BCAS4: variants seen among roughly 807,000 people sequenced by gnomAD.
The protein encoded by BCAS4 is breast carcinoma amplified sequence 4, also known as breast carcinoma-amplified sequence 4.
Under a neutral mutation model 15.7 loss-of-function variants are expected in BCAS4, and 9 were observed. That is an observed-to-expected ratio of 0.57 (90% CI 0.34 to 1.00). BCAS4 has a LOEUF of 1.00. BCAS4 is among the 50% of genes least tolerant of loss of function. The pLI is 0.02. For synonymous variants in BCAS4, 101 were observed against 99.5 expected, an observed-to-expected ratio of 1.02 and a Z score of -0.09; for missense variants, 225 against 239.1, an observed-to-expected ratio of 0.94 and a Z score of 0.39.
intron 2 of BCAS4, among the ~76,000 whole-genome samples, chr20:50,822,219 T>G (rs2088224880): frequency 6.6e-6 from 1 of 152,170 alleles, no homozygotes; most frequent in Non-Finnish European, 1.5e-5. Flanking sequence ...CATGGCTGTT[T>G]GACCTCCCCA....
intron 1 of BCAS4, among the ~76,000 whole-genome samples, chr20:50,804,534 A>C (rs1478314878): frequency 6.6e-6 from 1 of 152,242 alleles, no homozygotes; most frequent in Non-Finnish European, 1.5e-5. Flanking sequence ...ATATCTCTGC[A>C]CATACATCAT....
At chr20:50,846,249 A>G (rs1354318829) in intron 4 of BCAS4, among the ~76,000 whole-genome samples, 2 of 152,214 alleles carry the variant, frequency 1.3e-5, no homozygotes, top group African/African-American at 2.4e-5. Flanking sequence ...TGAGGTTTTA[A>G]TAAGAATTGC....
intron 4 of BCAS4, among the ~76,000 whole-genome samples, chr20:50,868,320 C>T (rs922911611): frequency 6.6e-6 from 1 of 152,238 alleles, no homozygotes; most frequent in South Asian, 2.1e-4. Context: ...GGGGCAGATG[C>T]AGACAAACAA....
rs942804335 is a variant in BCAS4, at chr20:50,830,512, G to C, written c.264+132G>C. On this transcript the variant is annotated intron_variant, in intron 3 of 4. Transcript: ENST00000371608. ...TGCAGGGGGTTGGTGGTGGGAGTTG[G>C]GGAGTCTGCACTCAAGTGATATTTC... The C allele has an allele frequency of 1.9e-5, 13 of 682,642 alleles. No individual in the cohort carries two copies. In the African/African-American group the frequency reaches 2.4e-4, roughly 13 times the overall value. 42.3% of individuals were successfully genotyped at this position (682,642 alleles called of 1,614,324 possible).
intron 4 of BCAS4, among the ~76,000 whole-genome samples, chr20:50,861,277 G>C (rs1397016787): frequency 6.6e-6 from 1 of 152,194 alleles, no homozygotes; most frequent in Non-Finnish European, 1.5e-5. Flanking sequence ...GTGAGGGGCT[G>C]ACCAGCTGCA....
chr20:50,875,322 G>A (rs189583190), intron 4 of BCAS4, among the ~76,000 whole-genome samples: 10 of 152,342 alleles, frequency 6.6e-5, no homozygotes, highest in Middle Eastern at 3.4e-3. Flanking sequence ...TGAGCGGCTC[G>A]ATGGGAAATC....
chr20:50,862,487 G>A (rs560527113), intron 4 of BCAS4, among the ~76,000 whole-genome samples: 1 of 152,148 alleles, frequency 6.6e-6, no homozygotes, highest in East Asian at 1.9e-4. Context: ...GAGAGGGGTC[G>A]CAGGTGCATG....
intron 1 of BCAS4, among the ~76,000 whole-genome samples, chr20:50,797,796 G>T (rs539740674): frequency 6.6e-6 from 1 of 152,132 alleles, no homozygotes; most frequent in East Asian, 2.0e-4. Context: ...CTCCCGAGTA[G>T]CTGGGATTAC....
intron 4 of BCAS4, among the ~76,000 whole-genome samples, chr20:50,848,061 A>G (rs6013027): frequency 0.03 from 4,494 of 152,096 alleles, 200 homozygotes; most frequent in African/African-American, 0.1. Context: ...CAACAACAAA[A>G]AAAAACAGAA....
At chr20:50,830,801 G>C (rs1443085954) in intron 3 of BCAS4, among the ~76,000 whole-genome samples, 1 of 152,140 alleles carries the variant, frequency 6.6e-6, no homozygotes, top group Admixed American at 6.6e-5. Flanking sequence ...TGTGAGCATT[G>C]ATTGTGCCAC....
intron 4 of BCAS4, among the ~76,000 whole-genome samples, chr20:50,861,775 G>T (rs1270622674): frequency 1.3e-5 from 2 of 151,456 alleles, no homozygotes; most frequent in Non-Finnish European, 2.9e-5. Flanking sequence ...TTTGCATCAG[G>T]GCCACTAGGC....
At chr20:50,852,386 GTTTTCTT>G (rs1215348132) in intron 4 of BCAS4, among the ~76,000 whole-genome samples, 1 of 151,792 alleles carries the variant, frequency 6.6e-6, no homozygotes, top group Non-Finnish European at 1.5e-5. Context: ...GTGTGTGTGT[GTTTTCTT>G]TTTTCTTTTT....
chr20:50,862,807 G>A (rs1406931014), intron 4 of BCAS4, among the ~76,000 whole-genome samples: 2 of 152,126 alleles, frequency 1.3e-5, no homozygotes, highest in African/African-American at 4.8e-5. Flanking sequence ...CTGGTTCCAG[G>A]CTGCCTCTCG....
At chr20:50,823,171 C>T (rs2088237663) in intron 2 of BCAS4, among the ~76,000 whole-genome samples, 1 of 151,786 alleles carries the variant, frequency 6.6e-6, no homozygotes, top group Admixed American at 6.6e-5. Context: ...GAAACCCTGT[C>T]TCTACTAAAA....
At chr20:50,819,329 G>A (rs745589904) in intron 2 of BCAS4, among the ~76,000 whole-genome samples, 1 of 152,180 alleles carries the variant, frequency 6.6e-6, no homozygotes, top group Non-Finnish European at 1.5e-5. Context: ...ACCTGGGCTT[G>A]AGGTGTCTGC....
At chr20:50,821,695 G>A (rs2088218700) in intron 2 of BCAS4, among the ~76,000 whole-genome samples, 1 of 152,138 alleles carries the variant, frequency 6.6e-6, no homozygotes, top group Non-Finnish European at 1.5e-5. Context: ...GCAGGCCCTG[G>A]GCTGCACGGT....
chr20:50,879,723 C>T (rs1007302249), downstream of BCAS4: 1 of 152,228 alleles, frequency 6.6e-6, no homozygotes, highest in African/African-American at 2.4e-5. Context: ...AAAGCAGGGA[C>T]CCACAGGCCC....
intron 4 of BCAS4, among the ~76,000 whole-genome samples, chr20:50,865,259 C>T (rs1170412409): frequency 3.9e-5 from 6 of 152,052 alleles, no homozygotes; most frequent in African/African-American, 1.4e-4. Context: ...GACTCTAGGA[C>T]AGAGGGATGG....
intron 4 of BCAS4, among the ~76,000 whole-genome samples, chr20:50,859,350 C>T (rs1305128081): frequency 6.6e-6 from 1 of 152,210 alleles, no homozygotes; most frequent in African/African-American, 2.4e-5. Context: ...GAGCTAGGCA[C>T]TGTTCAGACC....
Sources: gnomAD v4.1 joint callset for allele counts (sites outside exome capture counted in the v4.1 genomes callset) on GRCh38, gnomAD v4.1.1 for gene constraint, MANE v1.5 for transcripts, NCBI Gene and HGNC (gene_info 2026-07-23, HGNC 2026-07-21) for gene names.